DDR2: variants seen among roughly 807,000 people sequenced by gnomAD.
DDR2 encodes the protein discoidin domain receptor tyrosine kinase 2.
In DDR2, 27 loss-of-function variants were observed where a neutral mutation model predicts 94.9. That is an observed-to-expected ratio of 0.28 (90% CI 0.21 to 0.39). DDR2 has a LOEUF of 0.39. Among genes scored for constraint, DDR2 ranks in the 10% least tolerant of loss-of-function variants. DDR2 has a pLI of 1.00. For synonymous variants in DDR2, 382 were observed against 377.2 expected, an observed-to-expected ratio of 1.01 and a Z score of -0.15; for missense variants, 783 against 1,076.0, an observed-to-expected ratio of 0.73 and a Z score of 3.81.
intron 1 of DDR2, among the ~76,000 whole-genome samples, chr1:162,644,929 C>T (rs1657334038): frequency 6.6e-6 from 1 of 152,200 alleles, no homozygotes; most frequent in South Asian, 2.1e-4. Context: ...AAATACATAG[C>T]TTTAAGTGTA....
Position 162,773,396 on chromosome 1 carries a change from G to T in DDR2, c.1729-73G>T. ...GTTGTAAGAGTTAGTTTATCTCCAG[G>T]AAATGCCCAGCAAGAGTACTGAGAC... On this transcript the variant is annotated intron_variant, in intron 13 of 17. Coordinates refer to ENST00000367921, the MANE Select transcript of DDR2 (RefSeq NM_006182.4). The T allele has an allele frequency of 1.9e-6, 3 of 1,600,902 alleles. No individual in the cohort carries two copies. In the Middle Eastern group the frequency reaches 5.0e-4, roughly 267 times the overall value.
chr1:162,715,119 G>T (rs1558042006), intron 2 of DDR2, among the ~76,000 whole-genome samples: 1 of 152,158 alleles, frequency 6.6e-6, no homozygotes, highest in South Asian at 2.1e-4. Flanking sequence ...TCCTTTTAGG[G>T]TATGGAATTT....
At chr1:162,702,444 T>G (rs950946434) in intron 2 of DDR2, among the ~76,000 whole-genome samples, 3 of 152,152 alleles carry the variant, frequency 2.0e-5, no homozygotes, top group African/African-American at 7.2e-5. Flanking sequence ...TGGCTCTTGG[T>G]TTTGAATAGA....
chr1:162,640,505 A>T lies in DDR2; in HGVS notation c.-192+7874A>T, dbSNP rs956422568. ...GTACTTTCTGCTTAATTTTGCTGTG[A>T]ACCTACAACTGCTTTAAAAAGAATT... is the stretch of plus-strand genomic sequence containing the variant. On this transcript the variant is annotated intron_variant, in intron 1 of 17. Transcript: ENST00000367921. Among the ~76,000 whole-genome samples the T allele has an allele frequency of 2.6e-5, 4 of 152,192 alleles. No individual in the cohort carries two copies. The East Asian group carries it at 7.7e-4, about 29-fold the overall frequency.
chr1:162,724,799 T>C (rs537253604), intron 3 of DDR2, among the ~76,000 whole-genome samples: 3 of 151,790 alleles, frequency 2.0e-5, no homozygotes, highest in East Asian at 3.9e-4. Context: ...TAGTGTGTGT[T>C]AGACAGCCTG....
chr1:162,739,155 A>G (rs2102078962), intron 3 of DDR2, among the ~76,000 whole-genome samples: 1 of 134,384 alleles, frequency 7.4e-6, no homozygotes, highest in East Asian at 2.2e-4. Context: ...AGAAACTACC[A>G]TCAGAGTGAA....
chr1:162,732,841 T>G (rs1182081852), intron 3 of DDR2, among the ~76,000 whole-genome samples: 1 of 152,246 alleles, frequency 6.6e-6, no homozygotes, highest in Non-Finnish European at 1.5e-5. Flanking sequence ...CAAGCAGCCC[T>G]TTCAGGCTCT....
chr1:162,771,582 CTTTT>C (rs1330697900), intron 12 of DDR2, among the ~76,000 whole-genome samples: 1 of 152,078 alleles, frequency 6.6e-6, no homozygotes, highest in Non-Finnish European at 1.5e-5. Flanking sequence ...TATTTTAAGG[CTTTT>C]TTAAGTTAGA....
At chr1:162,770,021 A>G (rs1664186033) in intron 11 of DDR2, among the ~76,000 whole-genome samples, 1 of 152,214 alleles carries the variant, frequency 6.6e-6, no homozygotes, top group African/African-American at 2.4e-5. Context: ...ATGGGTTCTT[A>G]TAGCAACAGG....
At chr1:162,744,761 A>G (rs1018570802) in intron 3 of DDR2, among the ~76,000 whole-genome samples, 5 of 151,292 alleles carry the variant, frequency 3.3e-5, no homozygotes, top group African/African-American at 7.3e-5. Context: ...GCTGATAGTC[A>G]TTTGTGTTGT....
intron 3 of DDR2, among the ~76,000 whole-genome samples, chr1:162,749,135 A>G (rs1460717471): frequency 6.6e-6 from 1 of 152,202 alleles, no homozygotes; most frequent in Non-Finnish European, 1.5e-5. Flanking sequence ...AGCTAGCAGA[A>G]GGCAAGAAAT....
intron 1 of DDR2, among the ~76,000 whole-genome samples, chr1:162,640,203 A>C (rs1657057612): frequency 6.6e-6 from 1 of 151,954 alleles, no homozygotes; most frequent in East Asian, 1.9e-4. Context: ...TATCACGCCC[A>C]ACTAATTTTT....
chr1:162,762,261 G>A (rs968085832), intron 9 of DDR2, among the ~76,000 whole-genome samples: 1 of 152,070 alleles, frequency 6.6e-6, no homozygotes, highest in African/African-American at 2.4e-5. Flanking sequence ...CATTTTACTT[G>A]AGCTTCTGTT....
intron 7 of DDR2, among the ~76,000 whole-genome samples, chr1:162,756,468 A>G (rs1242951322): frequency 6.6e-6 from 1 of 152,236 alleles, no homozygotes. Flanking sequence ...GCTCCCACCT[A>G]TACTGTTTCA....
At chr1:162,762,619 A>G (rs1663800558) in intron 9 of DDR2, among the ~76,000 whole-genome samples, 1 of 152,162 alleles carries the variant, frequency 6.6e-6, no homozygotes, top group Non-Finnish European at 1.5e-5. Context: ...ACTATTCTTC[A>G]TCATGCACCA....
intron 1 of DDR2, among the ~76,000 whole-genome samples, chr1:162,646,400 A>G (rs1657410205): frequency 6.6e-6 from 1 of 152,188 alleles, no homozygotes; most frequent in African/African-American, 2.4e-5. Flanking sequence ...ATGAGTGTTT[A>G]TTATGCTCTA....
At chr1:162,711,564 A>G (rs1298618307) in intron 2 of DDR2, among the ~76,000 whole-genome samples, 1 of 152,154 alleles carries the variant, frequency 6.6e-6, no homozygotes, top group Non-Finnish European at 1.5e-5. Context: ...AGTTATGGTC[A>G]CTCCTGAGGG....
At chr1:162,683,647 T>A (rs2101962027) in intron 2 of DDR2, among the ~76,000 whole-genome samples, 1 of 152,036 alleles carries the variant, frequency 6.6e-6, no homozygotes, top group African/African-American at 2.4e-5. Flanking sequence ...ATGTATATTA[T>A]GTAAGTTTAA....
In DDR2 at chr1:162,688,618, C is replaced by T. The variant is rs144805091; in HGVS notation, c.-27-30419C>T. On this transcript the variant is annotated intron_variant, in intron 2 of 17. Coordinates refer to ENST00000367921, the MANE Select transcript of DDR2 (RefSeq NM_006182.4). ...CTAGTTGAAGAACATTTATACATGTCTCTATTAAAAATTCACTTGTGTGTG... is the reference window on the plus strand; with the variant it reads ...CTAGTTGAAGAACATTTATACATGTTTCTATTAAAAATTCACTTGTGTGTG... Among the ~76,000 whole-genome samples the T allele has an allele frequency of 3.8e-3, 575 of 152,306 alleles. 6 individuals carry two copies. Among genetic ancestry groups the T allele is most frequent in the African/African-American group, 0.013 (538 of 41,560 alleles).
Sources: allele counts gnomAD v4.1 joint callset (sites outside exome capture counted in the v4.1 genomes callset), GRCh38; gene constraint gnomAD v4.1.1; transcripts MANE v1.5; gene names NCBI Gene and HGNC (gene_info 2026-07-23, HGNC 2026-07-21).